The following TSC22D1 variants were observed in gnomAD, a reference collection of about 807,000 sequenced individuals.
TSC22D1 encodes TSC22 domain family member 1, also known as TSC22 domain family protein 1.
Under a neutral mutation model 74.2 loss-of-function variants are expected in TSC22D1, and 9 were observed. That is an observed-to-expected ratio of 0.12 (90% CI 0.07 to 0.21). TSC22D1 has a LOEUF of 0.21. Among genes scored for constraint, TSC22D1 ranks in the 10% least tolerant of loss-of-function variants. The pLI is 1.00. For missense variants in TSC22D1, 1,427 were observed against 1,304.7 expected (o/e 1.09, Z -1.44); for synonymous variants, 586 against 492.5 (o/e 1.19, Z -2.51).
At chr13:44,530,796 G>C (rs1024615894) in intron 1 of TSC22D1, among the ~76,000 whole-genome samples, 1 of 152,084 alleles carries the variant, frequency 6.6e-6, no homozygotes, top group Non-Finnish European at 1.5e-5. Context: ...AAAACAATGA[G>C]ATACCACTAC....
chr13:44,448,105 T>C (rs937368823), intron 1 of TSC22D1, among the ~76,000 whole-genome samples: 21 of 152,232 alleles, frequency 1.4e-4, no homozygotes, highest in Admixed American at 9.2e-4. Context: ...AGCCAAATGA[T>C]ATTCTATATA....
chr13:44,477,582 G>A (rs1041300129), intron 1 of TSC22D1, among the ~76,000 whole-genome samples: 2 of 151,408 alleles, frequency 1.3e-5, no homozygotes, highest in South Asian at 2.1e-4. Context: ...TTCCTGAAGT[G>A]AGCCTTGCAT....
chr13:44,436,302 G>A, intron 1 of TSC22D1: 2 of 904,410 alleles, frequency 2.2e-6, no homozygotes, highest in Non-Finnish European at 3.4e-6. Flanking sequence ...AAGCCACAAA[G>A]GACTAAATTA....
intron 1 of TSC22D1, among the ~76,000 whole-genome samples, chr13:44,568,101 A>G (rs971146204): frequency 7.9e-5 from 12 of 152,232 alleles, no homozygotes; most frequent in Non-Finnish European, 1.3e-4. Context: ...ATAAGAGAAC[A>G]TAACTTCCCC....
At chr13:44,538,158 A>C in intron 1 of TSC22D1, 1 of 985,344 alleles carries the variant, frequency 1.0e-6, no homozygotes, top group Non-Finnish European at 1.2e-6. Context: ...TTGTGACAGT[A>C]CCAAACTTTA....
intron 1 of TSC22D1, among the ~76,000 whole-genome samples, chr13:44,475,597 C>T (rs1566130527): frequency 6.6e-6 from 1 of 150,968 alleles, no homozygotes; most frequent in African/African-American, 2.4e-5. Context: ...ACCAGCAAGC[C>T]GCCAGTATAA....
At chr13:44,544,653 G>A (rs1261766654) in intron 1 of TSC22D1, among the ~76,000 whole-genome samples, 1 of 151,742 alleles carries the variant, frequency 6.6e-6, no homozygotes, top group Non-Finnish European at 1.5e-5. Flanking sequence ...GAAGAAAGCT[G>A]TAATGAAAAC....
chr13:44,480,264 A>G (rs1595107463), intron 1 of TSC22D1, among the ~76,000 whole-genome samples: 1 of 152,366 alleles, frequency 6.6e-6, no homozygotes, highest in South Asian at 2.1e-4. Context: ...TTAAAAAATT[A>G]AGATTGGAAA....
chr13:44,472,445 T>C (rs1052249148), intron 1 of TSC22D1, among the ~76,000 whole-genome samples: 3 of 152,178 alleles, frequency 2.0e-5, no homozygotes, highest in Non-Finnish European at 4.4e-5. Context: ...ACCATTGACA[T>C]ATCTGATTTC....
At chr13:44,520,520 T>C (rs1751571800) in intron 1 of TSC22D1, among the ~76,000 whole-genome samples, 2 of 152,152 alleles carry the variant, frequency 1.3e-5, no homozygotes, top group South Asian at 2.1e-4. Flanking sequence ...CATGGGGAAG[T>C]AGCTAGATAT....
At chr13:44,445,250 CACAG>C (rs151180609) in intron 1 of TSC22D1, among the ~76,000 whole-genome samples, 2,892 of 131,952 alleles carry the variant, frequency 0.022, 31 homozygotes, top group South Asian at 0.037. Context: ...CACACACACA[CACAG>C]AGCAAATCGA....
intron 1 of TSC22D1, among the ~76,000 whole-genome samples, chr13:44,458,170 C>T (rs911936777): frequency 2.6e-5 from 4 of 152,176 alleles, no homozygotes; most frequent in Admixed American, 1.3e-4. Context: ...TTAATGTTCT[C>T]TTAATAGTAT....
At chr13:44,536,729 A>C in intron 1 of TSC22D1, 1 of 984,194 alleles carries the variant, frequency 1.0e-6, no homozygotes, top group Non-Finnish European at 1.2e-6. Flanking sequence ...TTACAGTATT[A>C]ACTCAAGAGA....
At position 44,574,494 on chromosome 13, in the gene TSC22D1, T is replaced by A. The variant is rs1311548115; in HGVS notation, c.1581A>T (p.Pro527=). 6.2e-7 allele frequency: 1 copy of A among 1,614,214 alleles called. No homozygotes were observed. The highest frequency in any genetic ancestry group is 2.2e-5 in the East Asian group (1 of 44,882). ...LQQMDFGSTG[P]QSIPAVSIPQ... ...GTATACTAACTGCTGGAATACTCTG[T>A]GGACCAGTGCTACCAAAATCCATCT... Residue 527 remains proline (P), a synonymous_variant, in exon 1 of 3, where the codon CCA becomes CCT. Coordinates refer to ENST00000458659, the MANE Select transcript of TSC22D1 (RefSeq NM_183422.4).
chr13:44,555,470 G>A (rs747028449), intron 1 of TSC22D1, among the ~76,000 whole-genome samples: 6 of 152,220 alleles, frequency 3.9e-5, no homozygotes, highest in African/African-American at 9.6e-5. Flanking sequence ...GCTGGGTGTC[G>A]TGGCGCGAGC....
chr13:44,571,900 C>A (rs1405299222), intron 1 of TSC22D1, among the ~76,000 whole-genome samples: 3 of 151,998 alleles, frequency 2.0e-5, no homozygotes, highest in Non-Finnish European at 2.9e-5. Flanking sequence ...TTTTAAACAA[C>A]TAAATAACAC....
chr13:44,517,747 G>A (rs1459925699), intron 1 of TSC22D1, among the ~76,000 whole-genome samples: 98 of 61,888 alleles, frequency 1.6e-3, no homozygotes, highest in African/African-American at 4.6e-3. Flanking sequence ...ACATATATAC[G>A]TATATATGTG....
chr13:44,507,204 A>G (rs1879485578), intron 1 of TSC22D1, among the ~76,000 whole-genome samples: 1 of 152,202 alleles, frequency 6.6e-6, no homozygotes, highest in African/African-American at 2.4e-5. Context: ...GAACAGAACT[A>G]AGGAGATAAC....
intron 1 of TSC22D1, among the ~76,000 whole-genome samples, chr13:44,524,607 C>T (rs918135540): frequency 2.0e-5 from 3 of 152,120 alleles, no homozygotes; most frequent in South Asian, 4.1e-4. Flanking sequence ...AGTGCAATGG[C>T]GCGATCTTGG....
Sources: gnomAD v4.1 joint callset for allele counts (sites outside exome capture counted in the v4.1 genomes callset) on GRCh38, gnomAD v4.1.1 for gene constraint, MANE v1.5 for transcripts, NCBI Gene and HGNC (gene_info 2026-07-23, HGNC 2026-07-21) for gene names.